Variants in TBCE observed in about 807,000 individuals in gnomAD.
TBCE encodes the protein tubulin-specific chaperone E.
Under a neutral mutation model 77.0 loss-of-function variants are expected in TBCE, and 53 were observed. The observed-to-expected ratio is 0.69, with a 90% CI of 0.55 to 0.87. The LOEUF (loss-of-function observed/expected upper bound fraction) is 0.87, where lower values mean the gene tolerates loss of function less well. Among genes scored for constraint, TBCE ranks in the 40% least tolerant of loss-of-function variants. The probability of loss-of-function intolerance (pLI) is 0.00; values close to 1 mark genes in which losing one functional copy is unlikely to be tolerated. For synonymous variants in TBCE, 235 were observed against 241.3 expected, an observed-to-expected ratio of 0.97 and a Z score of 0.24; for missense variants, 624 against 622.4, an observed-to-expected ratio of 1.00 and a Z score of -0.03.
chr1:235,442,716 GA>G (rs1161779477), intron 14 of TBCE, 135 bp from the exon 15 acceptor site: 1 of 772,044 alleles, frequency 1.3e-6, no homozygotes, highest in Admixed American at 2.3e-5. Context: ...TTAATAGAAA[GA>G]ATTTTAAACA....
intron 15 of TBCE, among the ~76,000 whole-genome samples, chr1:235,445,189 G>A (rs185785075): frequency 6.6e-6 from 1 of 152,334 alleles, no homozygotes; most frequent in African/African-American, 2.4e-5. Flanking sequence ...CAGATTACAA[G>A]GGTTCCTTTT....
chr1:235,369,415 A>G (rs1045906876), intron 1 of TBCE, among the ~76,000 whole-genome samples: 3 of 151,818 alleles, frequency 2.0e-5, no homozygotes, highest in African/African-American at 2.4e-5. Context: ...GCTGAGGCAG[A>G]AGAATCGCTT....
intron 8 of TBCE, among the ~76,000 whole-genome samples, chr1:235,435,496 T>C (rs914887200): frequency 5.3e-5 from 8 of 152,230 alleles, no homozygotes; most frequent in African/African-American, 1.9e-4. Context: ...CTTGTACCCA[T>C]GACCCAGGTT....
intron 2 of TBCE, among the ~76,000 whole-genome samples, chr1:235,389,623 G>A (rs956162106): frequency 7.9e-5 from 12 of 151,640 alleles, no homozygotes; most frequent in African/African-American, 1.9e-4. Context: ...GAGCCACCAC[G>A]CCTGGCCTGC....
chr1:235,452,374 A>C lies in TBCE; in HGVS notation c.*3612A>C, dbSNP rs1013389961. On this transcript the variant is annotated 3_prime_UTR_variant, in exon 17 of 17. Transcript: ENST00000642610. ...GTTGATTTATAACCTTTTGCTTTAA[A>C]CTCAGAAAAATACTGTATGAGAAAT... 53 of 151,948 alleles carry C rather than the reference A, an allele frequency of 3.5e-4. 1 individual carries two copies. The highest frequency in any genetic ancestry group is 3.4e-3 in the Admixed American group (52 of 15,246). The allele number at this position is 151,948 out of a possible 1,614,324, so 9.4% of individuals were successfully genotyped here.
chr1:235,443,195 T>TATATATAC (rs145989548), intron 15 of TBCE, among the ~76,000 whole-genome samples: 1 of 149,522 alleles, frequency 6.7e-6, no homozygotes, highest in African/African-American at 2.5e-5. Flanking sequence ...CATATATATA[T>TATATATAC]ACACACACAC....
chr1:235,424,432 C>G (rs940298884), intron 5 of TBCE, among the ~76,000 whole-genome samples: 2 of 139,108 alleles, frequency 1.4e-5, no homozygotes, highest in African/African-American at 5.5e-5. Context: ...TTCAAGGATT[C>G]TTCTGCCTCA....
At position 235,404,672 on chromosome 1, in the gene TBCE, A is replaced by T. The variant is rs574307028; in HGVS notation, c.185+3085A>T. ...AACTTTTTTATGTTATAAACTTTAA[A>T]TTTTTTTTTTTTTTGGGATGGATTC... is the stretch of plus-strand genomic sequence containing the variant. On this transcript the variant is annotated intron_variant, in intron 3 of 16. Transcript: ENST00000642610. 3.1e-4 allele frequency among the ~76,000 whole-genome samples: 45 copies of T among 145,272 alleles called. 1 individual carries two copies. In the South Asian group the frequency reaches 7.7e-3, roughly 25 times the overall value.
At chr1:235,371,520 G>A (rs1398405261) in intron 1 of TBCE, among the ~76,000 whole-genome samples, 4 of 151,026 alleles carry the variant, frequency 2.6e-5, no homozygotes, top group African/African-American at 7.3e-5. Context: ...GATTATACGC[G>A]TGTGCCACCA....
intron 1 of TBCE, among the ~76,000 whole-genome samples, chr1:235,369,847 A>AT (rs1299894933): frequency 6.6e-6 from 1 of 150,700 alleles, no homozygotes; most frequent in Non-Finnish European, 1.5e-5. Context: ...AAAAAAAAAA[A>AT]GCCGAAGTCT....
At chr1:235,417,822 G>A (rs1377500928) in intron 4 of TBCE, among the ~76,000 whole-genome samples, 1 of 152,142 alleles carries the variant, frequency 6.6e-6, no homozygotes, top group Non-Finnish European at 1.5e-5. Context: ...TGTTACCCAG[G>A]CTGGAGCGCA....
chr1:235,448,845 T>C lies in TBCE; in HGVS notation c.*83T>C, dbSNP rs2102958872. On this transcript the variant is annotated 3_prime_UTR_variant, in exon 17 of 17. Transcript: ENST00000642610. ...AATAAATGATTCACTGGAACAATTC[T>C]ACTGTCAAAACAAAGGGGGTTTACA... is the stretch of plus-strand genomic sequence containing the variant. The C allele has an allele frequency of 1.9e-6, 2 of 1,056,262 alleles. No individual in the cohort carries two copies. Among genetic ancestry groups the C allele is most frequent in the East Asian group, 2.4e-5 (1 of 41,060 alleles). The allele number at this position is 1,056,262 out of a possible 1,614,324, so 65.4% of individuals were successfully genotyped here.
In TBCE at chr1:235,448,676, G is replaced by A; in HGVS notation, c.1498G>A (p.Gly500Ser). The change falls in exon 17 of 17, where the codon GGC becomes AGC. Residue 500 changes from glycine (G) to serine (S), a missense_variant. Coordinates refer to ENST00000642610, the MANE Select transcript of TBCE (RefSeq NM_003193.5). The stretch of plus-strand genomic sequence containing the variant: ...ACCTTCGTTCTAATTTTAGAAGCCG[G>A]GCAGAGAAATCGAGCTGGAAAATGA... ...LLSYESPKKP[G>S]REIELENDLK... The A allele has an allele frequency of 6.2e-7, 1 of 1,613,772 alleles. No individual in the cohort carries two copies. The highest frequency in any genetic ancestry group is 8.5e-7 in the Non-Finnish European group (1 of 1,179,798).
In TBCE at chr1:235,374,627, A is replaced by G. The variant is rs1299304860; in HGVS notation, c.-31-5392A>G. Among the ~76,000 whole-genome samples, 12 of 144,878 alleles carry G rather than the reference A, an allele frequency of 8.3e-5. 2 individuals are homozygous for G. The highest frequency in any genetic ancestry group is 3.2e-4 in the African/African-American group (12 of 37,270). On this transcript the variant is annotated intron_variant, in intron 1 of 16. Transcript: ENST00000642610. ...GTGATTCTCCTGCCTCAGCCTCCCTAGGAGCTGGGATTACAGGTATCCGCC... is the reference window on the plus strand; with the variant it reads ...GTGATTCTCCTGCCTCAGCCTCCCTGGGAGCTGGGATTACAGGTATCCGCC...
intron 1 of TBCE, among the ~76,000 whole-genome samples, chr1:235,377,695 A>G (rs1236501372): frequency 6.7e-6 from 1 of 148,404 alleles, no homozygotes; most frequent in African/African-American, 2.5e-5. Flanking sequence ...TCTGTCACCC[A>G]GGCAGAAGTA....
chr1:235,406,927 C>G (rs1346082504), intron 3 of TBCE, among the ~76,000 whole-genome samples: 1 of 150,930 alleles, frequency 6.6e-6, no homozygotes, highest in East Asian at 1.9e-4. Flanking sequence ...CTCCTTCTCC[C>G]AGGTTCAAGG....
chr1:235,427,173 T>A lies in TBCE; in HGVS notation c.494T>A (p.Leu165Ter). 1 of 1,614,088 alleles carries A rather than the reference T, an allele frequency of 6.2e-7. No individual in the cohort carries two copies. The highest frequency in any genetic ancestry group is 8.5e-7 in the Non-Finnish European group (1 of 1,179,970). Residue 165 changes from leucine to a stop codon, truncating the protein, a stop_gained, in exon 6 of 17, where the codon TTG becomes TAG. Transcript: ENST00000642610. LOFTEE classifies it high-confidence loss of function. Reference sequence around the variant, plus strand: ...AAGGTAGATTTGTCAAAAAACCTGTTGTCATCATGGGATGAAGTGATACAC... The same window carrying A: ...AAGGTAGATTTGTCAAAAAACCTGTAGTCATCATGGGATGAAGTGATACAC... ...IRKVDLSKNL[L>*]SSWDEVIHIA...
chr1:235,401,106 G>A (rs908448147), intron 2 of TBCE, among the ~76,000 whole-genome samples: 7 of 151,116 alleles, frequency 4.6e-5, no homozygotes, highest in African/African-American at 7.3e-5. Flanking sequence ...TGAAATATAC[G>A]TAACATAAAA....
chr1:235,434,719 G>A (rs921354208), intron 8 of TBCE, among the ~76,000 whole-genome samples: 3 of 151,736 alleles, frequency 2.0e-5, no homozygotes, highest in Admixed American at 6.6e-5. Flanking sequence ...TTTATTTTTA[G>A]TAGAGACGGG....
Sources: gnomAD v4.1 joint callset for allele counts (sites outside exome capture counted in the v4.1 genomes callset) on GRCh38, gnomAD v4.1.1 for gene constraint, MANE v1.5 for transcripts, NCBI Gene and HGNC (gene_info 2026-07-23, HGNC 2026-07-21) for gene names.